The following FCRL6 variants were observed in gnomAD, a reference collection of about 807,000 sequenced individuals.
FCRL6 encodes Fc receptor like 6.
Under a neutral mutation model 49.1 loss-of-function variants are expected in FCRL6, and 50 were observed. The observed-to-expected ratio is 1.02, with a 90% confidence interval of 0.81 to 1.29. The LOEUF (loss-of-function observed/expected upper bound fraction) is 1.29. Ranked by LOEUF, FCRL6 falls within the 50% of genes most tolerant of loss-of-function variation. The probability of loss-of-function intolerance (pLI) is 0.00; values close to 1 mark genes in which losing one functional copy is unlikely to be tolerated. For missense variants in FCRL6, 571 were observed against 518.5 expected, an observed-to-expected ratio of 1.10 and a Z score of -0.98; for synonymous variants, 213 against 199.6, an observed-to-expected ratio of 1.07 and a Z score of -0.57.
In FCRL6 at chr1:159,809,260, G is replaced by A. The variant is rs773805930; in HGVS notation, c.604+15G>A. On this transcript the variant is annotated intron_variant, in intron 4 of 9. Coordinates refer to ENST00000368106, the MANE Select transcript of FCRL6 (RefSeq NM_001004310.3). ...CAGAGTGCAGGGTAAGTGCGCGAGA[G>A]AGTGGAGATGCCCCCAGGGCCCTGG... 4 of 1,536,784 alleles carry A rather than the reference G, an allele frequency of 2.6e-6. No individual in the cohort carries two copies. The highest frequency in any genetic ancestry group is 3.5e-6 in the Non-Finnish European group (4 of 1,144,826).
chr1:159,814,186 G>A (rs778288821), intron 7 of FCRL6, 35 bp from the exon 8 acceptor site: 3 of 1,591,156 alleles, frequency 1.9e-6, no homozygotes, highest in South Asian at 1.1e-5. Context: ...GGGAGAGTCA[G>A]GAGGATCCTA....
chr1:159,808,016 G>A (rs148066418), intron 2 of FCRL6, among the ~76,000 whole-genome samples, 162 bp from the exon 3 acceptor site: 235 of 152,240 alleles, frequency 1.5e-3, no homozygotes, highest in Middle Eastern at 6.8e-3. Flanking sequence ...TCCAGGTCCT[G>A]CCCTTCTCTG....
chr1:159,813,471 T>G lies in FCRL6; in HGVS notation c.1010-18T>G. On this transcript the variant is annotated intron_variant, in intron 6 of 9. Transcript: ENST00000368106. Reference sequence around the variant, plus strand: ...CCTCTAAGGGACACCCAGTGAATCATGCCCTTGTATCTCCTAGGGCCCCTT... The same window carrying G: ...CCTCTAAGGGACACCCAGTGAATCAGGCCCTTGTATCTCCTAGGGCCCCTT... The G allele has an allele frequency of 1.2e-6, 2 of 1,610,318 alleles. No individual in the cohort carries two copies. Among genetic ancestry groups the G allele is most frequent in the South Asian group, 2.2e-5 (2 of 91,006 alleles).
intron 1 of FCRL6, among the ~76,000 whole-genome samples, chr1:159,805,993 A>G (rs778588028): frequency 3.3e-5 from 5 of 152,240 alleles, no homozygotes; most frequent in Non-Finnish European, 7.3e-5. Context: ...GAAAACATTC[A>G]TGCATTTATT....
chr1:159,815,159 C>T (rs1663319062), intron 8 of FCRL6, among the ~76,000 whole-genome samples: 1 of 152,206 alleles, frequency 6.6e-6, no homozygotes, highest in African/African-American at 2.4e-5. Flanking sequence ...TGCTCCTTCC[C>T]ATAAATGGCA....
Position 159,815,460 on chromosome 1 carries a change from G to T in FCRL6, c.1179+1G>T. 1 of 1,614,026 alleles carries T rather than the reference G, an allele frequency of 6.2e-7. No individual in the cohort carries two copies. The highest frequency in any genetic ancestry group is 8.5e-7 in the Non-Finnish European group (1 of 1,179,912). On this transcript the variant is annotated splice_donor_variant, in intron 9 of 9. Coordinates refer to ENST00000368106, the MANE Select transcript of FCRL6 (RefSeq NM_001004310.3). LOFTEE classifies it high-confidence loss of function. ...TGCTGAGTTCACCGTGGGGAGAAAG[G>T]TGAGCTGGGATCCCTGCTCCTTTCT...
At chr1:159,814,396 A>G (rs1663267997) in intron 8 of FCRL6, 104 bp downstream of exon 8, 2 of 786,840 alleles carry the variant, frequency 2.5e-6, no homozygotes, top group African/African-American at 1.7e-5. Flanking sequence ...CATTACTGTG[A>G]CCACCATCAC....
At chr1:159,814,030 CA>C (rs35768123) in intron 7 of FCRL6, among the ~76,000 whole-genome samples, 190 bp from the exon 8 acceptor site, 21,356 of 149,008 alleles carry the variant, frequency 0.14, 2,341 homozygotes, top group African/African-American at 0.31. Flanking sequence ...AGGGAAGCTG[CA>C]AAAAAAAAAT....
At chr1:159,806,237 A>G (rs1241481348) in intron 1 of FCRL6, among the ~76,000 whole-genome samples, 1 of 152,244 alleles carries the variant, frequency 6.6e-6, no homozygotes, top group African/African-American at 2.4e-5. Context: ...AATTCTTTTG[A>G]TTGGAGTCCC....
At chr1:159,803,177 G>A (rs1662451796) in intron 1 of FCRL6, among the ~76,000 whole-genome samples, 1 of 152,184 alleles carries the variant, frequency 6.6e-6, no homozygotes, top group African/African-American at 2.4e-5. Flanking sequence ...TTGTAACTAA[G>A]AGAGCTGGTC....
Position 159,815,615 on chromosome 1 carries a change from G to A in FCRL6, c.1259G>A (p.Arg420Lys). Residue 420 changes from arginine to lysine, a missense_variant, in exon 10 of 10, where the codon AGG becomes AAG. Physicochemically the swap from Arg to Lys is conservative, Grantham distance 26 (BLOSUM62 2). Coordinates refer to ENST00000368106, the MANE Select transcript of FCRL6 (RefSeq NM_001004310.3). ...TCCACGGAGGTGAATATGAGAAGCA[G>A]GACTCTCCAAGAACCCCTTAGCGAC... The part of the protein sequence containing the change: ...VSSTEVNMRS[R>K]TLQEPLSDCE... The A allele has an allele frequency of 5.6e-6, 9 of 1,614,176 alleles. No homozygotes were observed. Among genetic ancestry groups the A allele is most frequent in the Non-Finnish European group, 7.6e-6 (9 of 1,180,016 alleles).
intron 6 of FCRL6, among the ~76,000 whole-genome samples, chr1:159,812,616 GCTC>G (rs1211418663): frequency 1.3e-5 from 2 of 152,180 alleles, no homozygotes; most frequent in Non-Finnish European, 2.9e-5. Flanking sequence ...AGAAACTGAG[GCTC>G]ATTTCTCAGC....
In FCRL6 at chr1:159,809,196, GGGTGGCCA is replaced by G. The variant is rs1662920781; in HGVS notation, c.559_566del (p.Gly187ProfsTer28). ...TTTACTGGTGTGAGGTGGCCCCTGA[GGGTGGCCA>G]GGTCCAGAAGCAGAGCCCCCAGCTG... On this transcript the variant is annotated frameshift_variant, in exon 4 of 10. Coordinates refer to ENST00000368106, the MANE Select transcript of FCRL6 (RefSeq NM_001004310.3). LOFTEE classifies it high-confidence loss of function. The G allele has an allele frequency of 6.3e-7, 1 of 1,597,806 alleles. No homozygotes were observed. The highest frequency in any genetic ancestry group is 8.5e-7 in the Non-Finnish European group (1 of 1,172,764).
Position 159,814,225 on chromosome 1 carries a change from T to C in FCRL6, c.1080T>C (p.His360=). The change falls in exon 8 of 10, where the codon CAT becomes CAC. Residue 360 remains histidine, a synonymous_variant. Transcript: ENST00000368106. ...GEQCPLYANV[H]HQKGKDEGVV... ...AAGCCTCATTCCTTCTTCCAGTGCA[T>C]CACCAGAAAGGGAAAGATGAAGGTG... 2 of 1,613,890 alleles carry C rather than the reference T, an allele frequency of 1.2e-6. No individual in the cohort carries two copies. Among genetic ancestry groups the C allele is most frequent in the Non-Finnish European group, 1.7e-6 (2 of 1,179,768 alleles).
chr1:159,813,259 T>A (rs1663188616), intron 6 of FCRL6, among the ~76,000 whole-genome samples: 1 of 152,256 alleles, frequency 6.6e-6, no homozygotes, highest in Non-Finnish European at 1.5e-5. Flanking sequence ...CCATTCTTGC[T>A]GACCTTACTT....
rs751053507 is a variant in FCRL6 at position 159,808,342 on chromosome 1, G to C, written c.217G>C (p.Ala73Pro). The change falls in exon 3 of 10, where the codon GCA becomes CCA. Residue 73 changes from alanine to proline, a missense_variant. Physicochemically the swap from Ala to Pro is conservative, Grantham distance 27. Transcript: ENST00000368106. Reference sequence around the variant, plus strand: ...AAACCAGACTCTGTCCATGGGAGCAGCAACAGTGCAGAGCCGTGGCCAGTA... The same window carrying C: ...AAACCAGACTCTGTCCATGGGAGCACCAACAGTGCAGAGCCGTGGCCAGTA... ...KENQTLSMGA[A>P]TVQSRGQYSC... 4 of 1,614,246 alleles carry C rather than the reference G, an allele frequency of 2.5e-6. No individual in the cohort carries two copies. The East Asian group carries it at 8.9e-5, about 36-fold the overall frequency.
In FCRL6 at chr1:159,807,569, C is replaced by T. The variant is rs148826469; in HGVS notation, c.53-609C>T. On this transcript the variant is annotated intron_variant, in intron 2 of 9. Coordinates refer to ENST00000368106, the MANE Select transcript of FCRL6 (RefSeq NM_001004310.3). ...TCCATAAGAGTGGTGGAAGATGAAA[C>T]GCCCTGCTGAGGGTAGAGATGGAGG... 3.3e-3 allele frequency among the ~76,000 whole-genome samples: 496 copies of T among 152,282 alleles called. 1 individual carries two copies. The highest frequency in any genetic ancestry group is 4.8e-3 in the Non-Finnish European group (327 of 68,034).
intron 1 of FCRL6, among the ~76,000 whole-genome samples, chr1:159,803,171 A>T (rs1215522949): frequency 6.6e-6 from 1 of 152,056 alleles, no homozygotes; most frequent in Non-Finnish European, 1.5e-5. Context: ...GGCTACTTGT[A>T]ACTAAGAGAG....
chr1:159,806,885 C>T (rs114100820), intron 2 of FCRL6, among the ~76,000 whole-genome samples: 216 of 152,280 alleles, frequency 1.4e-3, no homozygotes, highest in African/African-American at 4.8e-3. Context: ...GTGTCTGTGG[C>T]CTCTGTCTTC....
Sources: gnomAD v4.1 joint callset for allele counts (sites outside exome capture counted in the v4.1 genomes callset) on GRCh38, gnomAD v4.1.1 for gene constraint, MANE v1.5 for transcripts, NCBI Gene and HGNC (gene_info 2026-07-23, HGNC 2026-07-21) for gene names.